The following ZBTB20 variants were observed in gnomAD, a reference collection of about 807,000 sequenced individuals.
The protein encoded by ZBTB20 is zinc finger and BTB domain-containing protein 20.
A neutral mutation model predicts 56.9 loss-of-function variants in ZBTB20; 9 were observed. The ratio of observed to expected loss-of-function variants is 0.16; its 90% CI spans 0.10 to 0.28. ZBTB20 has a LOEUF of 0.28. Among genes scored for constraint, ZBTB20 ranks in the 10% least tolerant of loss-of-function variants. The probability of loss-of-function intolerance (pLI) is 1.00; values close to 1 mark genes in which losing one functional copy is unlikely to be tolerated. For missense variants in ZBTB20, 655 were observed against 1,003.0 expected, an observed-to-expected ratio of 0.65 and a Z score of 4.69; for synonymous variants, 417 against 420.7, an observed-to-expected ratio of 0.99 and a Z score of 0.11.
At chr3:114,459,715 T>C (rs2092235655) in intron 7 of ZBTB20, among the ~76,000 whole-genome samples, 1 of 152,160 alleles carries the variant, frequency 6.6e-6, no homozygotes, top group Non-Finnish European at 1.5e-5. Context: ...ATTAGTGATT[T>C]GATGTTCAGA....
chr3:114,379,126 G>A (rs1359401262), intron 10 of ZBTB20: 1 of 152,184 alleles, frequency 6.6e-6, no homozygotes, highest in Non-Finnish European at 1.5e-5. Context: ...CTTCTTTGCA[G>A]AATTTTACAT....
At chr3:114,950,140 A>G (rs1460241796) in intron 3 of ZBTB20, among the ~76,000 whole-genome samples, 1 of 152,176 alleles carries the variant, frequency 6.6e-6, no homozygotes, top group Non-Finnish European at 1.5e-5. Context: ...CTTATACAGT[A>G]GTCCCCCTTT....
In ZBTB20 at chr3:114,461,305, CCT is replaced by C. The variant is rs1310157501; in HGVS notation, c.-255+39045_-255+39046del. Among the ~76,000 whole-genome samples the C allele has an allele frequency of 1.5e-3, 227 of 151,290 alleles. 1 individual carries two copies. In the Middle Eastern group the frequency reaches 0.037, roughly 25 times the overall value. ...AAACAAAACAATCTCCTCCCCCCCC[CCT>C]CTTTTTTTTTGAGACAGGGTCTTGC... On this transcript the variant is annotated intron_variant, in intron 7 of 11. Transcript: ENST00000675478.
chr3:114,864,269 G>A (rs762670325), intron 4 of ZBTB20, among the ~76,000 whole-genome samples: 9 of 151,984 alleles, frequency 5.9e-5, no homozygotes, highest in Non-Finnish European at 7.4e-5. Flanking sequence ...CATTGACATT[G>A]TCTCCATCAA....
At chr3:115,009,521 T>C (rs2079611441) in intron 2 of ZBTB20, among the ~76,000 whole-genome samples, 2 of 151,880 alleles carry the variant, frequency 1.3e-5, no homozygotes, top group Non-Finnish European at 2.9e-5. Flanking sequence ...AGGTTACATA[T>C]GTGCATGTTC....
chr3:114,974,063 TA>T (rs74552088), intron 3 of ZBTB20, among the ~76,000 whole-genome samples: 2,999 of 108,580 alleles, frequency 0.028, 33 homozygotes, highest in African/African-American at 0.051. Context: ...CCAAACCAGT[TA>T]AAAAAAAAAA....
At chr3:114,806,921 TG>T (rs1317097376) in intron 4 of ZBTB20, among the ~76,000 whole-genome samples, 1 of 151,992 alleles carries the variant, frequency 6.6e-6, no homozygotes. Context: ...CAAATTTAAT[TG>T]ATCAAAAATA....
intron 2 of ZBTB20, among the ~76,000 whole-genome samples, chr3:115,046,254 A>T (rs566689051): frequency 1.3e-5 from 2 of 152,276 alleles, no homozygotes; most frequent in African/African-American, 4.8e-5. Context: ...CAAACCTAAA[A>T]CGTTGAAGGT....
At chr3:114,385,270 A>C (rs972191303) in intron 8 of ZBTB20, among the ~76,000 whole-genome samples, 72 of 152,160 alleles carry the variant, frequency 4.7e-4, no homozygotes, top group African/African-American at 1.7e-3. Context: ...AAATAGGCTT[A>C]GTATCTGGGC....
chr3:114,448,413 GT>G (rs1559802069), intron 7 of ZBTB20, among the ~76,000 whole-genome samples: 2 of 151,924 alleles, frequency 1.3e-5, no homozygotes, highest in Non-Finnish European at 2.9e-5. Flanking sequence ...TATTACTGTT[GT>G]TTTTTTCAGG....
chr3:115,043,863 C>A (rs1368167444), intron 2 of ZBTB20, among the ~76,000 whole-genome samples: 1 of 152,084 alleles, frequency 6.6e-6, no homozygotes, highest in Non-Finnish European at 1.5e-5. Context: ...GGAGGAGGGC[C>A]TGGTGGGAGG....
At chr3:114,393,299 T>C (rs2086048928) in intron 7 of ZBTB20, among the ~76,000 whole-genome samples, 1 of 152,370 alleles carries the variant, frequency 6.6e-6, no homozygotes, top group South Asian at 2.1e-4. Context: ...TCATCAATAG[T>C]ACATTGCAGT....
chr3:114,594,875 G>C (rs1006122012), intron 6 of ZBTB20, among the ~76,000 whole-genome samples: 3 of 152,108 alleles, frequency 2.0e-5, no homozygotes, highest in Non-Finnish European at 4.4e-5. Context: ...CCACAAAAAC[G>C]GATCTAACTA....
intron 11 of ZBTB20, among the ~76,000 whole-genome samples, chr3:114,350,009 C>G (rs1203340240): frequency 6.6e-6 from 1 of 152,040 alleles, no homozygotes; most frequent in African/African-American, 2.4e-5. Flanking sequence ...TATATAATGA[C>G]CTGAGTCTTC....
chr3:114,999,363 G>A lies in ZBTB20; in HGVS notation c.-506-24947C>T, dbSNP rs115445996. Among the ~76,000 whole-genome samples the A allele has an allele frequency of 8.8e-3, 1,337 of 151,654 alleles. 14 individuals are homozygous for A. Among genetic ancestry groups the A allele is most frequent in the African/African-American group, 0.028 (1,164 of 41,412 alleles). On this transcript the variant is annotated intron_variant, in intron 2 of 11. Transcript: ENST00000675478. ...AGAATGGAAGGACAGAAAGATGGAA[G>A]AGAGGAAGGAAGGAACTTGCACAAA...
chr3:115,097,940 C>G (rs554607829), intron 1 of ZBTB20, among the ~76,000 whole-genome samples: 1 of 152,242 alleles, frequency 6.6e-6, no homozygotes, highest in African/African-American at 2.4e-5. Flanking sequence ...TATTTTAGAT[C>G]TACTGAAGGT....
At chr3:115,133,508 C>T (rs961113134) in intron 1 of ZBTB20, among the ~76,000 whole-genome samples, 7 of 152,124 alleles carry the variant, frequency 4.6e-5, no homozygotes, top group Non-Finnish European at 8.8e-5. Context: ...AAAGGAAACC[C>T]TATACCCATT....
rs1461557297 is a variant in ZBTB20, at chr3:114,330,939, AC to A, written c.*8065del. The A allele has an allele frequency of 1.3e-5, 2 of 152,216 alleles. No individual in the cohort carries two copies. The highest frequency in any genetic ancestry group is 2.9e-5 in the Non-Finnish European group (2 of 68,054). The allele number at this position is 152,216 out of a possible 1,614,324, so 9.4% of individuals were successfully genotyped here. On this transcript the variant is annotated 3_prime_UTR_variant, in exon 12 of 12. Transcript: ENST00000675478. ...ATCAATTCCTACAGATTACCAAAAA[AC>A]ATTCCCCCCAACAGTCTATTGGTTT...
At chr3:114,774,526 C>T (rs528135674) in intron 5 of ZBTB20, among the ~76,000 whole-genome samples, 1 of 152,232 alleles carries the variant, frequency 6.6e-6, no homozygotes, top group Admixed American at 6.5e-5. Context: ...TTATTAAAAA[C>T]TTCAGTCATT....
Sources: allele counts gnomAD v4.1 joint callset (sites outside exome capture counted in the v4.1 genomes callset), GRCh38; gene constraint gnomAD v4.1.1; transcripts MANE v1.5; gene names NCBI Gene and HGNC (gene_info 2026-07-23, HGNC 2026-07-21).